The following NSUN5 variants were observed in gnomAD, a reference collection of about 807,000 sequenced individuals.
The protein encoded by NSUN5 is 28S rRNA (cytosine-C(5))-methyltransferase.
Under a neutral mutation model 51.1 loss-of-function variants are expected in NSUN5, and 39 were observed. The ratio of observed to expected loss-of-function variants is 0.76; its 90% CI spans 0.59 to 1.00. The LOEUF (loss-of-function observed/expected upper bound fraction) is 1.00, where lower values mean the gene tolerates loss of function less well. Among genes scored for constraint, NSUN5 ranks in the 50% least tolerant of loss-of-function variants. NSUN5 has a pLI of 0.00. For missense variants in NSUN5, 526 were observed against 614.0 expected (o/e 0.86, Z 1.51); for synonymous variants, 266 against 271.5 (o/e 0.98, Z 0.20).
Position 73,303,609 on chromosome 7 carries a change from TCGACC to T in NSUN5, c.1272_1276del (p.Val425GlyfsTer47). The T allele has an allele frequency of 6.2e-7, 1 of 1,614,168 alleles. No homozygotes were observed. Among genetic ancestry groups the T allele is most frequent in the South Asian group, 1.1e-5 (1 of 91,082 alleles). On this transcript the variant is annotated frameshift_variant, in exon 9 of 10. Transcript: ENST00000438747. LOFTEE classifies it high-confidence loss of function. ...GCCCCCACTCACTCACCTTGGCACC[TCGACC>T]CGTTCAATTACAGCAACGAAGAAGC... is the stretch of plus-strand genomic sequence containing the variant.
Position 73,307,564 on chromosome 7 carries a change from C to G in NSUN5, c.391+19G>C, listed in dbSNP as rs368513487. ...CAAAGTTCCCCGCCTCCCCCACCCC[C>G]CAACTCCTTCCAGCTTACCTGGACC... On this transcript the variant is annotated intron_variant, in intron 3 of 9. Coordinates refer to ENST00000438747, the MANE Select transcript of NSUN5 (RefSeq NM_148956.4). 240 of 1,606,204 alleles carry G rather than the reference C, an allele frequency of 1.5e-4. No individual in the cohort carries two copies. Among genetic ancestry groups the G allele is most frequent in the Non-Finnish European group, 1.9e-4 (221 of 1,175,518 alleles).
In NSUN5 at chr7:73,308,785, C is replaced by A. The variant is rs1554542426; in HGVS notation, c.6G>T (p.Gly2=). 6.2e-7 allele frequency: 1 copy of A among 1,612,890 alleles called. No individual in the cohort carries two copies. Among genetic ancestry groups the A allele is most frequent in the Non-Finnish European group, 8.5e-7 (1 of 1,179,580 alleles). The change falls in exon 1 of 10, where the codon GGG becomes GGT. Residue 2 remains glycine (G), a synonymous_variant. Coordinates refer to ENST00000438747, the MANE Select transcript of NSUN5 (RefSeq NM_148956.4). M[G]LYAAAAGVLA... Reference sequence around the variant, plus strand: ...ACACGCCTGCAGCTGCAGCATACAGCCCCATGTTCCCGCGCGCCTTTACGG... The same window carrying A: ...ACACGCCTGCAGCTGCAGCATACAGACCCATGTTCCCGCGCGCCTTTACGG...
Position 73,304,285 on chromosome 7 carries a change from A to C in NSUN5, c.879T>G (p.Asp293Glu). The change falls in exon 7 of 10, where the codon GAT becomes GAG. Residue 293 changes from aspartate to glutamate, a missense_variant. By Grantham distance (45) the Asp-to-Glu change is conservative. Coordinates refer to ENST00000438747, the MANE Select transcript of NSUN5 (RefSeq NM_148956.4). ...TGTAGTGGACCTCATGGTAGCGTGGATCCGAGGGGGAGACCGCCAGGAAGT... is the reference window on the plus strand; with the variant it reads ...TGTAGTGGACCTCATGGTAGCGTGGCTCCGAGGGGGAGACCGCCAGGAAGT... Reference protein sequence around the residue: ...EEDFLAVSPSDPRYHEVHYIL... With the variant: ...EEDFLAVSPSEPRYHEVHYIL... 6.2e-7 allele frequency: 1 copy of C among 1,614,172 alleles called. No individual in the cohort carries two copies. Among genetic ancestry groups the C allele is most frequent in the Non-Finnish European group, 8.5e-7 (1 of 1,180,024 alleles).
At chr7:73,308,135 G>C (rs1163125488) in intron 2 of NSUN5, 2 of 465,398 alleles carry the variant, frequency 4.3e-6, no homozygotes, top group Non-Finnish European at 7.7e-6. Flanking sequence ...CTGGGCTCAA[G>C]TGATCCTCCT....
In NSUN5 at chr7:73,303,133, G is replaced by A; in HGVS notation, c.*282C>T. 1 of 1,437,106 alleles carries A rather than the reference G, an allele frequency of 7.0e-7. No homozygotes were observed. Among genetic ancestry groups the A allele is most frequent in the Non-Finnish European group, 9.1e-7 (1 of 1,099,630 alleles). 89.0% of individuals were successfully genotyped at this position (1,437,106 alleles called of 1,614,324 possible). ...GCTGGGACTTTCCATTACAAATAGA[G>A]ACTTCATTCCTGTTGAGTCTAGTTG... On this transcript the variant is annotated 3_prime_UTR_variant, in exon 10 of 10. Coordinates refer to ENST00000438747, the MANE Select transcript of NSUN5 (RefSeq NM_148956.4).
In NSUN5 at chr7:73,304,302, C is replaced by T. The variant is rs782719691; in HGVS notation, c.862G>A (p.Ala288Thr). The change falls in exon 7 of 10, where the codon GCG becomes ACG. Residue 288 changes from alanine to threonine, a missense_variant. By Grantham distance (58) the Ala-to-Thr change is moderately conservative (BLOSUM62 0). Coordinates refer to ENST00000438747, the MANE Select transcript of NSUN5 (RefSeq NM_148956.4). ...TAGCGTGGATCCGAGGGGGAGACCG[C>T]CAGGAAGTCCTCCTCAGCCAGTTCA... ...CCELAEEDFL[A>T]VSPSDPRYHE... 11 of 1,614,178 alleles carry T rather than the reference C, an allele frequency of 6.8e-6. No individual in the cohort carries two copies. In the South Asian group the frequency reaches 1.1e-4, roughly 16 times the overall value.
chr7:73,308,618 C>CCCGACCCCACCCGGGCCCGT (rs1224077388), intron 1 of NSUN5, 65 bp from the exon 2 acceptor site: 1 of 1,569,802 alleles, frequency 6.4e-7, no homozygotes. Context: ...GGCCCCACCT[C>CCCGACCCCACCCGGGCCCGT]CCGACCCCAC....
At chr7:73,308,191 G>C (rs1303543799) in intron 2 of NSUN5, 1 of 526,900 alleles carries the variant, frequency 1.9e-6, no homozygotes, top group African/African-American at 1.9e-5. Context: ...GCGCCGCCAC[G>C]CCCGACTTCC....
At chr7:73,307,365 T>A (rs782008560) in intron 4 of NSUN5, 29 bp downstream of exon 4, 3 of 1,539,080 alleles carry the variant, frequency 1.9e-6, no homozygotes, top group Non-Finnish European at 2.7e-6. Flanking sequence ...CCTCCCTAGA[T>A]GAGGACAGCC....
In NSUN5 at chr7:73,302,855, G is replaced by A. The variant is rs1401937566; in HGVS notation, c.*560C>T. On this transcript the variant is annotated 3_prime_UTR_variant, in exon 10 of 10. Transcript: ENST00000438747. Reference sequence around the variant, plus strand: ...ACCCCTCAGAACAGCTCTGATCCTCGTTAATACCTGGCTGCGTGTGCAGCT... The same window carrying A: ...ACCCCTCAGAACAGCTCTGATCCTCATTAATACCTGGCTGCGTGTGCAGCT... 6.9e-6 allele frequency: 7 copies of A among 1,017,078 alleles called. No individual in the cohort carries two copies. Among genetic ancestry groups the A allele is most frequent in the Non-Finnish European group, 8.3e-6 (7 of 847,024 alleles). The allele number at this position is 1,017,078 out of a possible 1,614,324, so 63.0% of individuals were successfully genotyped here.
Position 73,303,837 on chromosome 7 carries a change from C to T in NSUN5, c.1134G>A (p.Pro378=), listed in dbSNP as rs752850378. 1.7e-4 allele frequency: 271 copies of T among 1,613,700 alleles called. No individual in the cohort carries two copies. Among genetic ancestry groups the T allele is most frequent in the Non-Finnish European group, 2.2e-4 (254 of 1,179,884 alleles). The stretch of plus-strand genomic sequence containing the variant: ...CGCCCGCCCTGTACCTGAAGGCGCC[C>T]GGGTTCTGCTGCAGCGCATCTCGCA... ...DVVRDALQQN[P]GAFRLAPALP... is the part of the protein sequence containing the mutation. The change falls in exon 8 of 10, where the codon CCG becomes CCA. Residue 378 remains proline, a synonymous_variant. Transcript: ENST00000438747.
chr7:73,304,886 A>C, intron 5 of NSUN5, 24 bp from the exon 6 acceptor site: 1 of 1,613,730 alleles, frequency 6.2e-7, no homozygotes, highest in African/African-American at 1.3e-5. Context: ...CACAGGAGCC[A>C]GGTAAACAGA....
chr7:73,302,590 T>C lies in NSUN5; in HGVS notation c.*825A>G. On this transcript the variant is annotated 3_prime_UTR_variant, in exon 10 of 10. Transcript: ENST00000438747. ...TTTAAATTCCTTCAAGCTTGGTTCA[T>C]TGAGGTGGTTAAGTATAAATGCTAT... 8.9e-6 allele frequency: 4 copies of C among 447,242 alleles called. No individual in the cohort carries two copies. The highest frequency in any genetic ancestry group is 1.2e-5 in the Non-Finnish European group (4 of 340,966). 27.7% of individuals were successfully genotyped at this position (447,242 alleles called of 1,614,324 possible).
At position 73,308,465 on chromosome 7, in the gene NSUN5, C is replaced by G; in HGVS notation, c.182G>C (p.Arg61Pro). The change falls in exon 2 of 10, where the codon CGT (arginine) becomes CCT (proline). Residue 61 changes from arginine to proline, a missense_variant. Arg to Pro is a moderately radical substitution (Grantham distance 103). Coordinates refer to ENST00000438747, the MANE Select transcript of NSUN5 (RefSeq NM_148956.4). ...DAVIASAGLL[R>P]AEKKLRPHLA... ...GTGCGGCCGCAGCTTCTTCTCCGCA[C>G]GGAGGAGGCCGGCGCTGGCGATCAC... 1 of 1,607,530 alleles carries G rather than the reference C, an allele frequency of 6.2e-7. No homozygotes were observed. Among genetic ancestry groups the G allele is most frequent in the Non-Finnish European group, 8.5e-7 (1 of 1,176,400 alleles).
At chr7:73,306,018 C>T (rs1466176139) in intron 4 of NSUN5, among the ~76,000 whole-genome samples, 1 of 152,174 alleles carries the variant, frequency 6.6e-6, no homozygotes, top group Non-Finnish European at 1.5e-5. Context: ...GTTGCTGGCA[C>T]ACTGGTGCAC....
Position 73,303,069 on chromosome 7 carries a change from G to A in NSUN5, c.*346C>T. ...CCGGGAACCCTGAGTGAGTGTGAGTGTGGATGTGTACAGTACACGCACTGG... is the reference window on the plus strand; with the variant it reads ...CCGGGAACCCTGAGTGAGTGTGAGTATGGATGTGTACAGTACACGCACTGG... On this transcript the variant is annotated 3_prime_UTR_variant, in exon 10 of 10. Coordinates refer to ENST00000438747, the MANE Select transcript of NSUN5 (RefSeq NM_148956.4). The A allele has an allele frequency of 5.8e-6, 8 of 1,373,038 alleles. No individual in the cohort carries two copies. The highest frequency in any genetic ancestry group is 7.5e-6 in the Non-Finnish European group (8 of 1,062,602). 85.1% of individuals were successfully genotyped at this position (1,373,038 alleles called of 1,614,324 possible).
rs782589059 is a variant in NSUN5, at chr7:73,303,356, C to A, written c.*59G>T. ...TCCTGCGGTGAGGGCCCAGGGTCCT[C>A]CACGGAGAGGACAGGCATCTTCCTT... is the stretch of plus-strand genomic sequence containing the variant. On this transcript the variant is annotated 3_prime_UTR_variant, in exon 10 of 10. Coordinates refer to ENST00000438747, the MANE Select transcript of NSUN5 (RefSeq NM_148956.4). 19 of 1,613,990 alleles carry A rather than the reference C, an allele frequency of 1.2e-5. No individual in the cohort carries two copies. The highest frequency in any genetic ancestry group is 9.3e-6 in the Non-Finnish European group (11 of 1,179,874).
In NSUN5 at chr7:73,302,895, C is replaced by T; in HGVS notation, c.*520G>A. On this transcript the variant is annotated 3_prime_UTR_variant, in exon 10 of 10. Transcript: ENST00000438747. ...CGTGTGCAGCTGAGGAGGGAGTGAACCTCAAGCCTAAATACCTGTTAGGAT... is the reference window on the plus strand; with the variant it reads ...CGTGTGCAGCTGAGGAGGGAGTGAATCTCAAGCCTAAATACCTGTTAGGAT... The T allele has an allele frequency of 9.6e-7, 1 of 1,037,734 alleles. No homozygotes were observed. The highest frequency in any genetic ancestry group is 1.2e-6 in the Non-Finnish European group (1 of 859,680). 64.3% of individuals were successfully genotyped at this position (1,037,734 alleles called of 1,614,324 possible). A position where few individuals can be genotyped will look rare whatever the true frequency, so the allele number is the denominator to read the frequency against.
chr7:73,303,784 C>A (rs1803908081), intron 8 of NSUN5, 42 bp downstream of exon 8: 2 of 1,613,670 alleles, frequency 1.2e-6, no homozygotes, highest in African/African-American at 2.7e-5. Context: ...GAGCAGCTCA[C>A]CCCGTCCCCC....
Sources: allele counts gnomAD v4.1 joint callset (sites outside exome capture counted in the v4.1 genomes callset), GRCh38; gene constraint gnomAD v4.1.1; transcripts MANE v1.5; gene names NCBI Gene and HGNC (gene_info 2026-07-23, HGNC 2026-07-21).